The following GALNT7 variants were observed in gnomAD, a reference collection of about 807,000 sequenced individuals.
GALNT7 encodes N-acetylgalactosaminyltransferase 7.
Under a neutral mutation model 82.1 loss-of-function variants are expected in GALNT7, and 60 were observed. That is an observed-to-expected ratio of 0.73 (90% CI 0.59 to 0.91). The LOEUF is 0.91. Among genes scored for constraint, GALNT7 ranks in the 40% least tolerant of loss-of-function variants. GALNT7 has a pLI of 0.00. For synonymous variants in GALNT7, 243 were observed against 275.1 expected (o/e 0.88, Z 1.15); for missense variants, 660 against 804.2 (o/e 0.82, Z 2.17).
At chr4:173,312,253 A>C (rs905937064) in intron 8 of GALNT7, among the ~76,000 whole-genome samples, 9 of 152,334 alleles carry the variant, frequency 5.9e-5, no homozygotes, top group African/African-American at 2.2e-4. Flanking sequence ...GTAATTTATC[A>C]AGAAAAGAGG....
At chr4:173,240,446 G>T (rs1157217785) in intron 1 of GALNT7, among the ~76,000 whole-genome samples, 1 of 138,180 alleles carries the variant, frequency 7.2e-6, no homozygotes, top group Non-Finnish European at 1.5e-5. Context: ...TCAGCTCACT[G>T]CAACCTCTGC....
At chr4:173,176,589 A>AAAAACTGTATTAGTTAAGT (rs1290753131) in intron 1 of GALNT7, among the ~76,000 whole-genome samples, 1 of 152,246 alleles carries the variant, frequency 6.6e-6, no homozygotes, top group Non-Finnish European at 1.5e-5. Flanking sequence ...TGGGTAAGAC[A>AAAAACTGTATTAGTTAAGT]AAAACTGTAT....
intron 8 of GALNT7, among the ~76,000 whole-genome samples, chr4:173,305,535 T>C (rs895689005): frequency 6.6e-6 from 1 of 152,200 alleles, no homozygotes; most frequent in African/African-American, 2.4e-5. Flanking sequence ...TGTTACAGTT[T>C]TAGGACTTCA....
At chr4:173,279,192 T>A (rs537308680) in intron 2 of GALNT7, among the ~76,000 whole-genome samples, 14 of 152,298 alleles carry the variant, frequency 9.2e-5, no homozygotes, top group African/African-American at 3.4e-4. Flanking sequence ...GACATATGCC[T>A]GGCTTTGGGG....
At position 173,227,461 on chromosome 4, in the gene GALNT7, A is replaced by G. The variant is rs28516684; in HGVS notation, c.127-20519A>G. Among the ~76,000 whole-genome samples, 1,395 of 152,206 alleles carry G rather than the reference A, an allele frequency of 9.2e-3. 21 individuals are homozygous for G. The highest frequency in any genetic ancestry group is 0.032 in the African/African-American group (1,341 of 41,544). ...ATTCTCCTGCCTCAGCCTCCCCAGTAGCTGGGACTACAGGCACCCACGACC... is the reference window on the plus strand; with the variant it reads ...ATTCTCCTGCCTCAGCCTCCCCAGTGGCTGGGACTACAGGCACCCACGACC... On this transcript the variant is annotated intron_variant, in intron 1 of 11. Coordinates refer to ENST00000265000, the MANE Select transcript of GALNT7 (RefSeq NM_017423.3).
chr4:173,299,958 A>G (rs769324467), intron 6 of GALNT7, among the ~76,000 whole-genome samples: 3 of 152,238 alleles, frequency 2.0e-5, no homozygotes, highest in Non-Finnish European at 4.4e-5. Flanking sequence ...TGTGTTAGGC[A>G]GCATATTTTA....
At chr4:173,288,398 A>G (rs1736417682) in intron 2 of GALNT7, among the ~76,000 whole-genome samples, 1 of 151,838 alleles carries the variant, frequency 6.6e-6, no homozygotes, top group Non-Finnish European at 1.5e-5. Flanking sequence ...GGTCCCTAAT[A>G]GAGGGACATA....
intron 2 of GALNT7, among the ~76,000 whole-genome samples, chr4:173,281,710 A>C (rs568260938): frequency 6.6e-6 from 1 of 152,182 alleles, no homozygotes; most frequent in Non-Finnish European, 1.5e-5. Context: ...TGGGAAATGG[A>C]GGCTGCGCAC....
At chr4:173,234,955 C>G (rs1428408980) in intron 1 of GALNT7, among the ~76,000 whole-genome samples, 1 of 152,212 alleles carries the variant, frequency 6.6e-6, no homozygotes, top group Non-Finnish European at 1.5e-5. Context: ...GATGCTGGTA[C>G]CATGCTTCTT....
Position 173,292,030 on chromosome 4 carries a change from A to G in GALNT7, c.588-78A>G, listed in dbSNP as rs78647389. On this transcript the variant is annotated intron_variant, in intron 2 of 11. Transcript: ENST00000265000. This position sits in a 1 kb window ranked among gnomAD's most constrained non-coding sequence, Gnocchi z 4.8. ...AGTTAAGTCGATAGTATGTAATCCA[A>G]TCAGCAAATATAGTCAGCTTGGAGC... is the stretch of plus-strand genomic sequence containing the variant. The G allele has an allele frequency of 3.2e-5, 29 of 897,100 alleles. No homozygotes were observed. The East Asian group carries it at 6.1e-4, about 19-fold the overall frequency. 55.6% of individuals were successfully genotyped at this position (897,100 alleles called of 1,614,324 possible).
intron 2 of GALNT7, among the ~76,000 whole-genome samples, chr4:173,266,238 C>T (rs1735485740): frequency 2.0e-5 from 3 of 152,030 alleles, no homozygotes; most frequent in African/African-American, 7.2e-5. Flanking sequence ...CCAGCCTGGG[C>T]AACAAAGCAA....
At position 173,265,532 on chromosome 4, in the gene GALNT7, T is replaced by C. The variant is rs530640774; in HGVS notation, c.587+17092T>C. ...CATGTTTAGCTCACCACCTAGCACA[T>C]GGTAAGCAGCAAGTACATGCTAGCT... On this transcript the variant is annotated intron_variant, in intron 2 of 11. Transcript: ENST00000265000. 1.9e-4 allele frequency among the ~76,000 whole-genome samples: 29 copies of C among 152,016 alleles called. 1 individual carries two copies. The highest frequency in any genetic ancestry group is 5.8e-4 in the African/African-American group (24 of 41,502).
intron 5 of GALNT7, among the ~76,000 whole-genome samples, chr4:173,297,229 C>T (rs1365937987): frequency 6.7e-6 from 1 of 150,014 alleles, no homozygotes; most frequent in South Asian, 2.1e-4. Context: ...TTTTTTAAAG[C>T]AACAATACCT....
chr4:173,181,317 A>T lies in GALNT7; in HGVS notation c.126+12356A>T, dbSNP rs115960055. Among the ~76,000 whole-genome samples the T allele has an allele frequency of 8.0e-3, 1,213 of 152,328 alleles. 19 individuals are homozygous for T. The highest frequency in any genetic ancestry group is 0.027 in the African/African-American group (1,131 of 41,564). On this transcript the variant is annotated intron_variant, in intron 1 of 11. Coordinates refer to ENST00000265000, the MANE Select transcript of GALNT7 (RefSeq NM_017423.3). ...GTTGCTCCCTGTGTGATGGCCTCAGAGGAAATTCTAAGTCCAGTGTTCGTC... is the reference window on the plus strand; with the variant it reads ...GTTGCTCCCTGTGTGATGGCCTCAGTGGAAATTCTAAGTCCAGTGTTCGTC...
chr4:173,271,886 A>G (rs1735740485), intron 2 of GALNT7, among the ~76,000 whole-genome samples: 2 of 152,198 alleles, frequency 1.3e-5, no homozygotes, highest in African/African-American at 4.8e-5. Context: ...TTTGTGCAAC[A>G]CCATTTTGCT....
At position 173,287,098 on chromosome 4, in the gene GALNT7, G is replaced by C. The variant is rs561024335; in HGVS notation, c.588-5010G>C. Among the ~76,000 whole-genome samples, 75 of 152,262 alleles carry C rather than the reference G, an allele frequency of 4.9e-4. 2 individuals carry two copies. In the South Asian group the frequency reaches 0.014, roughly 29 times the overall value. ...TCAGCAACTTTCTTCCCATATTAAG[G>C]GCTGTCTGAGTAATAAACCTGTTCT... On this transcript the variant is annotated intron_variant, in intron 2 of 11. Coordinates refer to ENST00000265000, the MANE Select transcript of GALNT7 (RefSeq NM_017423.3).
intron 1 of GALNT7, among the ~76,000 whole-genome samples, chr4:173,205,972 C>G (rs1291536318): frequency 6.6e-6 from 1 of 152,062 alleles, no homozygotes; most frequent in Non-Finnish European, 1.5e-5. Flanking sequence ...AGGATCCTGC[C>G]TGGTGCTGGG....
At chr4:173,188,821 T>C (rs1304863901) in intron 1 of GALNT7, among the ~76,000 whole-genome samples, 1 of 152,216 alleles carries the variant, frequency 6.6e-6, no homozygotes. Context: ...ATATCTGACC[T>C]CAGCAAAGTT....
At chr4:173,200,228 C>G (rs1561151373) in intron 1 of GALNT7, among the ~76,000 whole-genome samples, 1 of 152,020 alleles carries the variant, frequency 6.6e-6, no homozygotes, top group South Asian at 2.1e-4. Flanking sequence ...AGTCAGTCAC[C>G]TTTTGCAACA....
Sources: gnomAD v4.1 joint callset for allele counts (sites outside exome capture counted in the v4.1 genomes callset) on GRCh38, gnomAD v4.1.1 for gene constraint, Gnocchi (gnomAD v3.1) non-coding constraint, MANE v1.5 for transcripts, NCBI Gene and HGNC (gene_info 2026-07-23, HGNC 2026-07-21) for gene names.